Variants in MAPK6 observed in about 807,000 individuals in gnomAD.
MAPK6 encodes ERK-3.
A neutral mutation model predicts 59.3 loss-of-function variants in MAPK6; 19 were observed. That is an observed-to-expected ratio of 0.32 (90% CI 0.22 to 0.47). The LOEUF (loss-of-function observed/expected upper bound fraction) is 0.47. Ranked by LOEUF, MAPK6 falls within the 20% of genes least tolerant of loss-of-function variation. The pLI is 1.00. For missense variants in MAPK6, 724 were observed against 847.9 expected (o/e 0.85, Z 1.81); for synonymous variants, 316 against 290.3 (o/e 1.09, Z -0.90).
chr15:52,041,317 C>T (rs7177891), intron 1 of MAPK6, among the ~76,000 whole-genome samples: 112,556 of 151,998 alleles, frequency 0.74, 44,411 homozygotes, highest in Non-Finnish European at 0.89. Flanking sequence ...CTGCCTCAGC[C>T]TCTGGAGTAG....
intron 4 of MAPK6, among the ~76,000 whole-genome samples, 161 bp from the exon 5 acceptor site, chr15:52,061,138 G>A (rs2032181547): frequency 6.6e-6 from 1 of 152,100 alleles, no homozygotes; most frequent in Non-Finnish European, 1.5e-5. Context: ...TTTATAAGAT[G>A]GGGACCTATT....
chr15:52,067,027 G>A lies in MAPK6; in HGVS notation c.*2027G>A, dbSNP rs1019976976. ...AGGAAGCAACGGGCAGCAGACATTG[G>A]TCCCTGATCCTCCATTATAACCAAT... is the stretch of plus-strand genomic sequence containing the variant. On this transcript the variant is annotated 3_prime_UTR_variant, in exon 6 of 6. Coordinates refer to ENST00000261845, the MANE Select transcript of MAPK6 (RefSeq NM_002748.4). The A allele has an allele frequency of 6.6e-6, 1 of 152,118 alleles. No individual in the cohort carries two copies. The highest frequency in any genetic ancestry group is 1.5e-5 in the Non-Finnish European group (1 of 68,020). The allele number at this position is 152,118 out of a possible 1,614,324, so 9.4% of individuals were successfully genotyped here. A position where few individuals can be genotyped will look rare whatever the true frequency, so the allele number is the denominator to read the frequency against.
At chr15:52,036,891 T>A (rs1023506287) in intron 1 of MAPK6, among the ~76,000 whole-genome samples, 5 of 151,974 alleles carry the variant, frequency 3.3e-5, no homozygotes, top group African/African-American at 9.7e-5. Flanking sequence ...AAAGAATGGC[T>A]ACTCCATAGG....
chr15:52,016,064 G>GCACACACA (rs1219275611), upstream of MAPK6, among the ~76,000 whole-genome samples: 22 of 54,982 alleles, frequency 4.0e-4, no homozygotes, highest in African/African-American at 7.3e-4. Flanking sequence ...GCGCGCGCGC[G>GCACACACA]CGCGCGCACA....
intron 1 of MAPK6, among the ~76,000 whole-genome samples, chr15:51,978,641 G>A (rs1169511606): frequency 1.3e-5 from 2 of 151,122 alleles, no homozygotes; most frequent in Non-Finnish European, 2.9e-5. Flanking sequence ...AGATTTTTTG[G>A]GGGGATTACC....
rs555782795 is a variant in MAPK6, at chr15:51,996,008, C to G, written c.-769-8257C>G. 1.4e-4 allele frequency among the ~76,000 whole-genome samples: 21 copies of G among 152,242 alleles called. No homozygotes were observed. In the East Asian group the frequency reaches 4.0e-3, roughly 29 times the overall value. ...AATTCCTCTCATCCTCAGCTACCAC[C>G]GCTTTCAGCCTTGGTAACTTACCTG... On this transcript the variant is annotated intron_variant, in intron 2 of 7. Coordinates refer to the MAPK6 transcript ENST00000691380.
intron 3 of MAPK6, among the ~76,000 whole-genome samples, chr15:52,050,535 T>C (rs1714634131): frequency 6.6e-6 from 1 of 152,192 alleles, no homozygotes; most frequent in African/African-American, 2.4e-5. Flanking sequence ...TTTGTTAAGT[T>C]TGGTGCTATT....
At chr15:52,012,763 C>T (rs1456050162) in intron 3 of MAPK6, among the ~76,000 whole-genome samples, 2 of 151,336 alleles carry the variant, frequency 1.3e-5, no homozygotes, top group Non-Finnish European at 2.9e-5. Context: ...CCGAGGTGGG[C>T]GGATCACAAG....
intron 1 of MAPK6, among the ~76,000 whole-genome samples, chr15:52,038,471 C>G (rs2031313309): frequency 6.6e-6 from 1 of 152,188 alleles, no homozygotes; most frequent in South Asian, 2.1e-4. Context: ...TTACTTTTCT[C>G]TGCTACATTG....
intron 2 of MAPK6, among the ~76,000 whole-genome samples, chr15:51,997,925 C>A (rs897939299): frequency 8.1e-6 from 1 of 123,298 alleles, no homozygotes; most frequent in South Asian, 2.3e-4. Flanking sequence ...CTTTCTTTCT[C>A]TTTCTTTCTT....
intron 3 of MAPK6, among the ~76,000 whole-genome samples, chr15:52,055,013 C>T (rs1029465685): frequency 6.6e-6 from 1 of 152,248 alleles, no homozygotes; most frequent in East Asian, 1.9e-4. Flanking sequence ...TTCCTGACCT[C>T]AGGTGATCTG....
intron 3 of MAPK6, among the ~76,000 whole-genome samples, chr15:52,013,302 G>C (rs985241078): frequency 6.6e-6 from 1 of 151,786 alleles, no homozygotes; most frequent in Non-Finnish European, 1.5e-5. Flanking sequence ...GAGAAGTCAT[G>C]ATGACCTCTT....
intron 1 of MAPK6, among the ~76,000 whole-genome samples, chr15:52,044,009 C>T (rs979388837): frequency 9.3e-5 from 14 of 151,200 alleles, no homozygotes; most frequent in Non-Finnish European, 1.6e-4. Flanking sequence ...CTCCTGACTT[C>T]GTGATCTGCC....
intron 3 of MAPK6, among the ~76,000 whole-genome samples, chr15:52,054,951 C>T (rs1165817310): frequency 6.6e-6 from 1 of 152,182 alleles, no homozygotes; most frequent in African/African-American, 2.4e-5. Context: ...CCACACCCAG[C>T]TAACTTTTGT....
At position 52,058,907 on chromosome 15, in the gene MAPK6, TCTTTAGACA is replaced by T. The variant is rs1389715014; in HGVS notation, c.865+114_865+122del. 4 of 850,028 alleles carry T rather than the reference TCTTTAGACA, an allele frequency of 4.7e-6. No homozygotes were observed. In the African/African-American group the frequency reaches 5.2e-5, roughly 11 times the overall value. The allele number at this position is 850,028 out of a possible 1,614,324, so 52.7% of individuals were successfully genotyped here. A position where few individuals can be genotyped will look rare whatever the true frequency, so the allele number is the denominator to read the frequency against. On this transcript the variant is annotated intron_variant, in intron 4 of 5. Transcript: ENST00000261845. ...AGATATGGGGCTTTCTCCAAAATAG[TCTTTAGACA>T]CTTAAGGTGTACGTAAAACTTCAAC... is the stretch of plus-strand genomic sequence containing the variant.
chr15:52,059,134 A>G (rs913750154), intron 4 of MAPK6, among the ~76,000 whole-genome samples: 1 of 152,144 alleles, frequency 6.6e-6, no homozygotes, highest in Non-Finnish European at 1.5e-5. Context: ...TGCTGTATTT[A>G]ATTTCAGCCG....
chr15:51,974,057 A>G (rs967597348), intron 1 of MAPK6, among the ~76,000 whole-genome samples: 1 of 151,830 alleles, frequency 6.6e-6, no homozygotes, highest in Non-Finnish European at 1.5e-5. Context: ...AATCACAATC[A>G]TTTTGCAGTA....
Position 52,065,766 on chromosome 15 carries a change from C to A in MAPK6, c.*766C>A, listed in dbSNP as rs1223350695. The A allele has an allele frequency of 6.6e-6, 1 of 152,380 alleles. No homozygotes were observed. The highest frequency in any genetic ancestry group is 2.4e-5 in the African/African-American group (1 of 41,368). 9.4% of individuals were successfully genotyped at this position (152,380 alleles called of 1,614,324 possible). On this transcript the variant is annotated 3_prime_UTR_variant, in exon 6 of 6. Coordinates refer to ENST00000261845, the MANE Select transcript of MAPK6 (RefSeq NM_002748.4). ...TATACTTTACTTTTTCCATTTGGCA[C>A]TATGGTTTGTTGCCTACCTAGCTGC...
At chr15:52,009,448 C>T (rs996827175) in intron 3 of MAPK6, among the ~76,000 whole-genome samples, 2 of 152,214 alleles carry the variant, frequency 1.3e-5, no homozygotes, top group Non-Finnish European at 2.9e-5. Flanking sequence ...CTAAATTTCC[C>T]TGAAGCCAGA....
Sources: gnomAD v4.1 joint callset for allele counts (sites outside exome capture counted in the v4.1 genomes callset) on GRCh38, gnomAD v4.1.1 for gene constraint, MANE v1.5 for transcripts, NCBI Gene and HGNC (gene_info 2026-07-23, HGNC 2026-07-21) for gene names.